The following LSAMP variants were observed in gnomAD, a reference collection of about 807,000 sequenced individuals.
The protein encoded by LSAMP is limbic system-associated membrane protein.
A neutral mutation model predicts 38.6 loss-of-function variants in LSAMP; 7 were observed. The observed-to-expected ratio is 0.18, with a 90% confidence interval of 0.10 to 0.34. The LOEUF (loss-of-function observed/expected upper bound fraction) is 0.34, where lower values mean the gene tolerates loss of function less well. Ranked by LOEUF, LSAMP falls within the 10% of genes least tolerant of loss-of-function variation. The pLI, the probability that LSAMP is intolerant of heterozygous loss-of-function variation, is 1.00. For missense variants in LSAMP, 313 were observed against 420.0 expected, an observed-to-expected ratio of 0.75 and a Z score of 2.23; for synonymous variants, 154 against 166.8, an observed-to-expected ratio of 0.92 and a Z score of 0.59.
At chr3:116,106,684 G>A (rs550619939) in intron 1 of LSAMP, among the ~76,000 whole-genome samples, 2 of 152,220 alleles carry the variant, frequency 1.3e-5, no homozygotes, top group South Asian at 4.1e-4. Flanking sequence ...CTAAACTGAG[G>A]AATTATGTCT....
chr3:115,818,348 G>T (rs149847495), intron 6 of LSAMP, among the ~76,000 whole-genome samples: 1 of 152,070 alleles, frequency 6.6e-6, no homozygotes, highest in Admixed American at 6.5e-5. Context: ...CTCAATCCTC[G>T]ATGAGGCCAT....
chr3:116,091,121 C>T (rs1157988189), intron 1 of LSAMP, among the ~76,000 whole-genome samples: 1 of 152,154 alleles, frequency 6.6e-6, no homozygotes, highest in South Asian at 2.1e-4. Context: ...GACCTACCCC[C>T]AGGTGCGCAT....
intron 1 of LSAMP, among the ~76,000 whole-genome samples, chr3:116,328,359 G>A (rs1212155347): frequency 2.0e-5 from 3 of 152,100 alleles, no homozygotes; most frequent in Non-Finnish European, 4.4e-5. Context: ...TAAATTAATA[G>A]GCAAAAGACT....
At chr3:116,080,705 T>C (rs1707853448) in intron 2 of LSAMP, among the ~76,000 whole-genome samples, 1 of 152,212 alleles carries the variant, frequency 6.6e-6, no homozygotes, top group African/African-American at 2.4e-5. Flanking sequence ...CAAGAGGCTA[T>C]TGTCTGAAAA....
chr3:116,231,075 G>T (rs2046397682), intron 1 of LSAMP, among the ~76,000 whole-genome samples: 2 of 152,066 alleles, frequency 1.3e-5, no homozygotes, highest in African/African-American at 4.8e-5. Context: ...ATTTGTCTAT[G>T]GGTCACTATA....
chr3:116,023,383 A>G (rs1340826476), intron 2 of LSAMP, among the ~76,000 whole-genome samples: 1 of 151,754 alleles, frequency 6.6e-6, no homozygotes, highest in East Asian at 1.9e-4. Context: ...TCACAAGGTC[A>G]GGAGATCGAG....
At chr3:116,160,093 GA>G (rs1431284838) in intron 1 of LSAMP, among the ~76,000 whole-genome samples, 3 of 152,094 alleles carry the variant, frequency 2.0e-5, no homozygotes, top group Admixed American at 1.3e-4. Context: ...GAGGGTGGGA[GA>G]AATGTGATAA....
intron 1 of LSAMP, among the ~76,000 whole-genome samples, chr3:116,194,372 T>C (rs570899475): frequency 2.2e-4 from 32 of 145,142 alleles, no homozygotes; most frequent in African/African-American, 8.1e-4. Flanking sequence ...ATGTGGGGAA[T>C]TGTTTTTTGT....
intron 1 of LSAMP, among the ~76,000 whole-genome samples, chr3:116,390,876 C>T (rs1461491284): frequency 1.3e-5 from 2 of 151,936 alleles, no homozygotes; most frequent in African/African-American, 4.8e-5. Flanking sequence ...TGCTCATATC[C>T]TTTCCAATCT....
At position 116,215,164 on chromosome 3, in the gene LSAMP, C is replaced by T. The variant is rs113813338; in HGVS notation, c.156-128608G>A. Among the ~76,000 whole-genome samples the T allele has an allele frequency of 4.4e-3, 674 of 152,172 alleles. 7 individuals carry two copies. The highest frequency in any genetic ancestry group is 0.015 in the African/African-American group (625 of 41,488). ...AAATGTGCCATCATAATAAGGAAAACGAAATAAATAAACAAACAAATAAAG... is the reference window on the plus strand; with the variant it reads ...AAATGTGCCATCATAATAAGGAAAATGAAATAAATAAACAAACAAATAAAG... On this transcript the variant is annotated intron_variant, in intron 1 of 6. Coordinates refer to ENST00000490035, the MANE Select transcript of LSAMP (RefSeq NM_002338.5).
At position 115,852,496 on chromosome 3, in the gene LSAMP, C is replaced by T. The variant is rs1935365804; in HGVS notation, c.636G>A (p.Lys212=). The T allele has an allele frequency of 6.2e-7, 1 of 1,612,302 alleles. No homozygotes were observed. Among genetic ancestry groups the T allele is most frequent in the Non-Finnish European group, 8.5e-7 (1 of 1,179,242 alleles). The change falls in exon 4 of 7, where the codon AAG becomes AAA. Residue 212 remains lysine (K), a synonymous_variant. Transcript: ENST00000490035. ...EVSSADVKQV[K]VTVNYPPTIT... ...TGCCGTACTCACAGTTCACAGTGAC[C>T]TTGACTTGTTTGACATCCGCCGAGG...
At chr3:115,999,794 A>G (rs1336590741) in intron 3 of LSAMP, among the ~76,000 whole-genome samples, 1 of 152,116 alleles carries the variant, frequency 6.6e-6, no homozygotes, top group East Asian at 1.9e-4. Context: ...CATGGGAAGG[A>G]GGAAAAAGCT....
At chr3:116,430,943 C>CT (rs2049272561) in intron 1 of LSAMP, among the ~76,000 whole-genome samples, 2 of 151,768 alleles carry the variant, frequency 1.3e-5, no homozygotes, top group South Asian at 2.1e-4. Flanking sequence ...TTCCTTTCTT[C>CT]TTTTTTGAAT....
intron 6 of LSAMP, among the ~76,000 whole-genome samples, chr3:115,828,481 A>G (rs751022315): frequency 6.6e-6 from 1 of 152,216 alleles, no homozygotes; most frequent in Non-Finnish European, 1.5e-5. Flanking sequence ...TGTTTCTCAC[A>G]GTCGACTGCT....
intron 1 of LSAMP, among the ~76,000 whole-genome samples, chr3:116,317,465 C>G (rs1303592535): frequency 7.9e-5 from 12 of 151,896 alleles, no homozygotes; most frequent in Admixed American, 7.9e-4. Context: ...ACGCCATTCT[C>G]CTGCCTCAGC....
intron 2 of LSAMP, among the ~76,000 whole-genome samples, chr3:116,033,411 G>C (rs1022479545): frequency 4.6e-5 from 7 of 152,106 alleles, no homozygotes; most frequent in Non-Finnish European, 8.8e-5. Context: ...GCATGTTATG[G>C]AGAAAATGTC....
intron 1 of LSAMP, among the ~76,000 whole-genome samples, chr3:116,274,803 GAA>G (rs567613257): frequency 3.9e-3 from 599 of 151,742 alleles, no homozygotes; most frequent in African/African-American, 0.014. Flanking sequence ...TAATTTGAAA[GAA>G]TGATATAATT....
chr3:115,864,590 G>A (rs533160962), intron 3 of LSAMP, among the ~76,000 whole-genome samples: 3 of 152,238 alleles, frequency 2.0e-5, no homozygotes, highest in Admixed American at 2.0e-4. Flanking sequence ...GAGGTAGAAA[G>A]AACTCATCCT....
At chr3:116,416,839 T>A (rs1200927535) in intron 1 of LSAMP, among the ~76,000 whole-genome samples, 2 of 152,058 alleles carry the variant, frequency 1.3e-5, no homozygotes, top group African/African-American at 4.8e-5. Context: ...GTCCTCAACA[T>A]TTAGCAAGTG....
Sources: gnomAD v4.1 joint callset for allele counts (sites outside exome capture counted in the v4.1 genomes callset) on GRCh38, gnomAD v4.1.1 for gene constraint, MANE v1.5 for transcripts, NCBI Gene and HGNC (gene_info 2026-07-23, HGNC 2026-07-21) for gene names.